Variants in BCAT1 observed in about 807,000 individuals in gnomAD.
BCAT1 encodes branched-chain-amino-acid aminotransferase, cytosolic.
Under a neutral mutation model 52.4 loss-of-function variants are expected in BCAT1, and 48 were observed. The ratio of observed to expected loss-of-function variants is 0.92; its 90% confidence interval spans 0.73 to 1.16. The LOEUF (loss-of-function observed/expected upper bound fraction) is 1.16, where lower values mean the gene tolerates loss of function less well. Ranked by LOEUF, BCAT1 falls within the 50% of genes most tolerant of loss-of-function variation. The pLI is 0.00. For missense variants in BCAT1, 451 were observed against 457.1 expected, an observed-to-expected ratio of 0.99 and a Z score of 0.12; for synonymous variants, 167 against 161.3, an observed-to-expected ratio of 1.04 and a Z score of -0.27.
intron 1 of BCAT1, among the ~76,000 whole-genome samples, chr12:24,935,859 G>T (rs746352516): frequency 1.3e-5 from 2 of 152,134 alleles, no homozygotes; most frequent in African/African-American, 4.8e-5. Context: ...CCCTAAACAT[G>T]GTCCTCATTT....
At chr12:24,881,231 T>TTATTTGGTGGTCAACACCG in intron 4 of BCAT1, 70 bp downstream of exon 4, 1 of 1,083,460 alleles carries the variant, frequency 9.2e-7, no homozygotes, top group Non-Finnish European at 1.4e-6. Flanking sequence ...CAGAAATTAT[T>TTATTTGGTGGTCAACACCG]TATTTGGTGG....
At chr12:24,932,367 G>A (rs372833330) in intron 1 of BCAT1, among the ~76,000 whole-genome samples, 2 of 152,114 alleles carry the variant, frequency 1.3e-5, no homozygotes, top group African/African-American at 2.4e-5. Flanking sequence ...ATATGCATGG[G>A]ACACTCTTAC....
upstream of BCAT1, chr12:24,949,196 G>T (rs1241392824): frequency 9.4e-6 from 5 of 534,484 alleles, no homozygotes; most frequent in Non-Finnish European, 1.7e-5. Context: ...CCAGATGGTG[G>T]AGTCTCTCCC....
Position 24,842,166 on chromosome 12 carries a change from C to A in BCAT1, c.733G>T (p.Val245Phe). Reference sequence around the variant, plus strand: ...TGGTCCTCTCCATAGAGCCACAGGACCTGCTGACACCCATTATCTACTGCT... The same window carrying A: ...TGGTCCTCTCCATAGAGCCACAGGAACTGCTGACACCCATTATCTACTGCT... ...CEAVDNGCQQ[V>F]LWLYGEDHQI... The change falls in exon 7 of 11, where the codon GTC becomes TTC. Residue 245 changes from valine to phenylalanine, a missense_variant. Physicochemically the swap from Val to Phe is conservative, Grantham distance 50 (BLOSUM62 -1). Transcript: ENST00000261192. 1 of 1,613,766 alleles carries A rather than the reference C, an allele frequency of 6.2e-7. No homozygotes were observed. Among genetic ancestry groups the A allele is most frequent in the Non-Finnish European group, 8.5e-7 (1 of 1,179,694 alleles).
chr12:24,878,621 C>G lies in BCAT1; in HGVS notation c.419G>C (p.Cys140Ser), dbSNP rs199736747. The change falls in exon 5 of 11, where the codon TGT becomes TCT. Residue 140 changes from cysteine (C) to serine (S), a missense_variant. By Grantham distance (112) the Cys-to-Ser change is moderately radical. Transcript: ENST00000261192. ...PVFDKEELLE[C>S]IQQLVKLDQE... Reference sequence around the variant, plus strand: ...ATCCAATTTCACAAGCTGTTGAATACACTCTAAGAGCTCTTCTTTGTCAAA... The same window carrying G: ...ATCCAATTTCACAAGCTGTTGAATAGACTCTAAGAGCTCTTCTTTGTCAAA... 20 of 1,608,640 alleles carry G rather than the reference C, an allele frequency of 1.2e-5. No individual in the cohort carries two copies. In the East Asian group the frequency reaches 4.5e-4, roughly 36 times the overall value.
chr12:24,861,331 T>C (rs1187623517), intron 5 of BCAT1, among the ~76,000 whole-genome samples: 1 of 152,220 alleles, frequency 6.6e-6, no homozygotes, highest in African/African-American at 2.4e-5. Flanking sequence ...GCCTAGTTCA[T>C]GGAAAGGCTT....
At chr12:24,898,431 A>G (rs548603418) in intron 2 of BCAT1, among the ~76,000 whole-genome samples, 1 of 146,778 alleles carries the variant, frequency 6.8e-6, no homozygotes, top group South Asian at 2.1e-4. Context: ...TTGGGTAATC[A>G]TTTGTTCTGA....
intron 2 of BCAT1, among the ~76,000 whole-genome samples, chr12:24,901,559 T>G (rs2139678570): frequency 6.6e-6 from 1 of 152,260 alleles, no homozygotes; most frequent in East Asian, 1.9e-4. Context: ...TATTTACGCA[T>G]TGACTATTTT....
chr12:24,938,912 T>A (rs752133008), intron 1 of BCAT1, among the ~76,000 whole-genome samples: 1 of 152,182 alleles, frequency 6.6e-6, no homozygotes, highest in African/African-American at 2.4e-5. Context: ...TCTCGCTCTG[T>A]CACCCAGGCT....
At chr12:24,917,415 C>T (rs923256601) in intron 1 of BCAT1, among the ~76,000 whole-genome samples, 2 of 152,310 alleles carry the variant, frequency 1.3e-5, no homozygotes, top group East Asian at 1.9e-4. Flanking sequence ...ATCTCCTGAC[C>T]TCGTGATCCG....
rs150624882 is a variant in BCAT1 at position 24,921,097 on chromosome 12, T to G, written c.7-19212A>C. 1.9e-3 allele frequency among the ~76,000 whole-genome samples: 293 copies of G among 152,036 alleles called. 2 individuals carry two copies. The highest frequency in any genetic ancestry group is 6.7e-3 in the African/African-American group (278 of 41,462). Reference sequence around the variant, plus strand: ...GGCTCACGGGAAGGTAAAAAACACTTCTTAGAAGCTCCCCAGTCCATTCCC... The same window carrying G: ...GGCTCACGGGAAGGTAAAAAACACTGCTTAGAAGCTCCCCAGTCCATTCCC... On this transcript the variant is annotated intron_variant, in intron 1 of 10. Coordinates refer to ENST00000261192, the MANE Select transcript of BCAT1 (RefSeq NM_005504.7).
At position 24,946,708 on chromosome 12, in the gene BCAT1, G is replaced by T. The variant is rs888265030; in HGVS notation, c.6+2219C>A. Among the ~76,000 whole-genome samples the T allele has an allele frequency of 4.6e-5, 7 of 152,242 alleles. No homozygotes were observed. The South Asian group carries it at 1.2e-3, about 27-fold the overall frequency. The stretch of plus-strand genomic sequence containing the variant: ...GTGTAGCCTTCACAAAGCTCAGATC[G>T]CTCTGCGCTATTTTTCTTTTTTCAG... On this transcript the variant is annotated intron_variant, in intron 1 of 10. Transcript: ENST00000261192.
intron 1 of BCAT1, chr12:24,903,167 C>A: frequency 8.1e-7 from 1 of 1,234,812 alleles, no homozygotes. Flanking sequence ...CTCCAGCATC[C>A]CTTGGGGAGG....
chr12:24,845,437 C>T (rs574114812), intron 6 of BCAT1, among the ~76,000 whole-genome samples: 4 of 152,230 alleles, frequency 2.6e-5, no homozygotes, highest in Admixed American at 2.6e-4. Context: ...AATCCTTATT[C>T]ATAACTGATA....
rs539617528 is a variant in BCAT1, at chr12:24,886,512, C to T, written c.280-5101G>A. Among the ~76,000 whole-genome samples, 4 of 152,318 alleles carry T rather than the reference C, an allele frequency of 2.6e-5. No individual in the cohort carries two copies. In the South Asian group the frequency reaches 6.2e-4, roughly 24 times the overall value. ...TGAAAAAAGTAGTTCCACTTACAAA[C>T]TCAAGACAATCACACAACTCCTTTT... On this transcript the variant is annotated intron_variant, in intron 3 of 10. Coordinates refer to ENST00000261192, the MANE Select transcript of BCAT1 (RefSeq NM_005504.7).
chr12:24,936,525 T>C (rs1014174421), intron 1 of BCAT1, among the ~76,000 whole-genome samples: 5 of 152,120 alleles, frequency 3.3e-5, no homozygotes, highest in African/African-American at 1.2e-4. Flanking sequence ...GAGCCCAGCC[T>C]CAAAACTACA....
chr12:24,836,898 A>AG (rs1354558747), intron 7 of BCAT1, among the ~76,000 whole-genome samples: 4 of 47,256 alleles, frequency 8.5e-5, no homozygotes, highest in African/African-American at 3.2e-4. Context: ...AGAAAGAAAG[A>AG]AAAGAAAGAG....
rs754901438 is a variant in BCAT1 at position 24,894,285 on chromosome 12, T to G, written c.269A>C (p.Tyr90Ser). ...SLHPGSSALH[Y>S]AVELFEGLKA... ...TTCCCATGTACTTACTTCCACTGCATAGTGCAAAGCTGATGAGCCAGGGTG... is the reference window on the plus strand; with the variant it reads ...TTCCCATGTACTTACTTCCACTGCAGAGTGCAAAGCTGATGAGCCAGGGTG... Residue 90 changes from tyrosine to serine, a missense_variant, in exon 3 of 11, where the codon TAT becomes TCT. By Grantham distance (144) the Tyr-to-Ser change is moderately radical (BLOSUM62 -2). Coordinates refer to ENST00000261192, the MANE Select transcript of BCAT1 (RefSeq NM_005504.7). 4 of 1,613,928 alleles carry G rather than the reference T, an allele frequency of 2.5e-6. No individual in the cohort carries two copies. The South Asian group carries it at 4.4e-5, about 18-fold the overall frequency.
intron 10 of BCAT1, among the ~76,000 whole-genome samples, chr12:24,827,905 CTTTTAT>C (rs141293966): frequency 0.11 from 16,939 of 152,078 alleles, 1,045 homozygotes; most frequent in Non-Finnish European, 0.13. Flanking sequence ...CTCTTTTAAA[CTTTTAT>C]TTTTATTTTA....
Sources: gnomAD v4.1 joint callset for allele counts (sites outside exome capture counted in the v4.1 genomes callset) on GRCh38, gnomAD v4.1.1 for gene constraint, MANE v1.5 for transcripts, NCBI Gene and HGNC (gene_info 2026-07-23, HGNC 2026-07-21) for gene names.